Variants in KALRN observed in about 807,000 individuals in gnomAD.
KALRN encodes the protein kalirin RhoGEF kinase.
KALRN carries 70 observed loss-of-function variants against 353.7 expected under a neutral mutation model. That is an observed-to-expected ratio of 0.20 (90% CI 0.16 to 0.24). The LOEUF (loss-of-function observed/expected upper bound fraction) is 0.24. Ranked by LOEUF, KALRN falls within the 10% of genes least tolerant of loss-of-function variation. The pLI is 1.00. For missense variants in KALRN, 2,791 were observed against 3,756.7 expected (o/e 0.74, Z 6.72); for synonymous variants, 1,391 against 1,434.8 (o/e 0.97, Z 0.69).
intron 5 of KALRN, among the ~76,000 whole-genome samples, chr3:124,273,731 T>C (rs2074404020): frequency 7.0e-6 from 1 of 142,582 alleles, no homozygotes; most frequent in South Asian, 2.2e-4. Flanking sequence ...AGGAAAGTCT[T>C]AATGAGCAAT....
chr3:124,438,784 C>G, intron 17 of KALRN, 104 bp from the exon 18 acceptor site: 2 of 993,326 alleles, frequency 2.0e-6, no homozygotes, highest in Non-Finnish European at 2.9e-6. Context: ...CATTAAACTT[C>G]TAATGAAAAA....
chr3:124,087,885 G>A (rs2060906192), intron 1 of KALRN, among the ~76,000 whole-genome samples: 1 of 152,134 alleles, frequency 6.6e-6, no homozygotes, highest in African/African-American at 2.4e-5. Context: ...AAAGAGTTAG[G>A]TGATACAGTT....
At chr3:124,159,859 A>G (rs763676901) in intron 1 of KALRN, among the ~76,000 whole-genome samples, 6 of 151,988 alleles carry the variant, frequency 3.9e-5, no homozygotes, top group Non-Finnish European at 8.8e-5. Context: ...AGTGAGGACT[A>G]GAGGTACTGA....
At chr3:124,101,086 T>C (rs1472518016) in intron 1 of KALRN, among the ~76,000 whole-genome samples, 1 of 152,286 alleles carries the variant, frequency 6.6e-6, no homozygotes, top group East Asian at 1.9e-4. Flanking sequence ...AAGAACGCAA[T>C]CTTTTGGATA....
intron 10 of KALRN, among the ~76,000 whole-genome samples, chr3:124,365,645 T>G (rs957494078): frequency 2.0e-5 from 3 of 152,226 alleles, no homozygotes; most frequent in African/African-American, 4.8e-5. Context: ...GTTATCCCTT[T>G]CACTTTGCAT....
At chr3:124,320,692 C>T (rs1560555571) in intron 6 of KALRN, among the ~76,000 whole-genome samples, 1 of 152,164 alleles carries the variant, frequency 6.6e-6, no homozygotes. Context: ...CCTATTTCTC[C>T]AACTTAAGGT....
chr3:124,581,358 G>A (rs2010098), intron 34 of KALRN, among the ~76,000 whole-genome samples: 98,635 of 148,786 alleles, frequency 0.66, 33,752 homozygotes, highest in African/African-American at 0.83. Flanking sequence ...GTGCCACTGC[G>A]CTCTAGCCTG....
chr3:124,316,646 T>C (rs1413347286), intron 6 of KALRN, among the ~76,000 whole-genome samples: 1 of 152,210 alleles, frequency 6.6e-6, no homozygotes, highest in Non-Finnish European at 1.5e-5. Context: ...TGCCCCGGCT[T>C]CTCTATTTTA....
chr3:124,140,671 T>G (rs2149784414), intron 1 of KALRN, among the ~76,000 whole-genome samples: 1 of 152,328 alleles, frequency 6.6e-6, no homozygotes, highest in Admixed American at 6.5e-5. Flanking sequence ...GTTTGAAAGC[T>G]TCACTTGCTC....
Position 124,169,660 on chromosome 3 carries a change from T to C in KALRN, c.74-58330T>C, listed in dbSNP as rs191150084. ...ATCAATGGCATTGATTGGTCTCTGA[T>C]GGAGATGTAGTTCTATTAGTTCAAT... On this transcript the variant is annotated intron_variant, in intron 1 of 59. Coordinates refer to ENST00000682506, the MANE Select transcript of KALRN (RefSeq NM_001388419.1). Among the ~76,000 whole-genome samples, 7 of 152,140 alleles carry C rather than the reference T, an allele frequency of 4.6e-5. No homozygotes were observed. The East Asian group carries it at 1.4e-3, about 29-fold the overall frequency.
intron 1 of KALRN, among the ~76,000 whole-genome samples, chr3:124,209,931 A>G (rs2332763): frequency 0.92 from 139,451 of 152,218 alleles, 65,076 homozygotes; most frequent in East Asian, 1. Flanking sequence ...GACAGTTTTA[A>G]TGTTTCAGTC....
chr3:124,190,253 G>A (rs143170534), intron 1 of KALRN, among the ~76,000 whole-genome samples: 393 of 152,268 alleles, frequency 2.6e-3, no homozygotes, highest in African/African-American at 7.0e-3. Flanking sequence ...AGGGAGCTTC[G>A]TATGGCTGGC....
At chr3:124,295,485 A>C (rs1394931723) in intron 5 of KALRN, among the ~76,000 whole-genome samples, 1 of 151,850 alleles carries the variant, frequency 6.6e-6, no homozygotes, top group East Asian at 1.9e-4. Flanking sequence ...ATTGCTTTCC[A>C]CCCTAATTGG....
chr3:124,650,922 G>T lies in KALRN; in HGVS notation c.5779G>T (p.Ala1927Ser). ...KNPEEEQKAK[A>S]LRGRMFVLNE... Reference sequence around the variant, plus strand: ...CCCAGAAGAAGAACAGAAAGCCAAGGCCCTGAGAGGCAGGATGTAAGTGGC... The same window carrying T: ...CCCAGAAGAAGAACAGAAAGCCAAGTCCCTGAGAGGCAGGATGTAAGTGGC... Residue 1927 changes from alanine to serine, a missense_variant, in exon 38 of 60, where the codon GCC becomes TCC. By Grantham distance (99) the Ala-to-Ser change is moderately conservative (BLOSUM62 1). This residue lies in a region of KALRN where 1,065 missense variants were observed against 1,156.4 expected (regional missense o/e 0.92). Transcript: ENST00000682506. The T allele has an allele frequency of 6.2e-7, 1 of 1,614,140 alleles. No individual in the cohort carries two copies.
chr3:124,443,276 T>A (rs1162615673), intron 19 of KALRN, among the ~76,000 whole-genome samples: 1 of 152,244 alleles, frequency 6.6e-6, no homozygotes, highest in African/African-American at 2.4e-5. Context: ...AAATGTCATC[T>A]TGCCAAGGCA....
intron 15 of KALRN, among the ~76,000 whole-genome samples, chr3:124,424,446 G>A (rs1271013994): frequency 1.3e-5 from 2 of 151,862 alleles, no homozygotes; most frequent in African/African-American, 4.8e-5. Context: ...TGATGCCTCT[G>A]TCTTAGTTAT....
At chr3:124,295,970 A>C (rs1475562029) in intron 5 of KALRN, among the ~76,000 whole-genome samples, 1 of 152,134 alleles carries the variant, frequency 6.6e-6, no homozygotes, top group African/African-American at 2.4e-5. Context: ...TATCGACCCA[A>C]CCTCTACAGG....
At chr3:124,506,929 C>G (rs948896273) in intron 33 of KALRN, among the ~76,000 whole-genome samples, 5 of 152,106 alleles carry the variant, frequency 3.3e-5, no homozygotes, top group African/African-American at 1.2e-4. Context: ...CAGTCATTTT[C>G]TGAGCTTCTA....
At chr3:124,078,017 G>T (rs2060347198) in intron 1 of KALRN, among the ~76,000 whole-genome samples, 1 of 152,170 alleles carries the variant, frequency 6.6e-6, no homozygotes, top group Admixed American at 6.5e-5. Flanking sequence ...AGTTAGCCTG[G>T]CATATACCGA....
Sources: gnomAD v4.1 joint callset for allele counts (sites outside exome capture counted in the v4.1 genomes callset) on GRCh38, gnomAD v4.1.1 for gene constraint, gnomAD v4.1.1 regional missense constraint, MANE v1.5 for transcripts, NCBI Gene and HGNC (gene_info 2026-07-23, HGNC 2026-07-21) for gene names.